The following RPS6KC1 variants were observed in gnomAD, a reference collection of about 807,000 sequenced individuals.
RPS6KC1 encodes the protein inactive ribosomal protein S6 kinase delta-1.
Under a neutral mutation model 103.8 loss-of-function variants are expected in RPS6KC1, and 54 were observed. That is an observed-to-expected ratio of 0.52 (90% CI 0.42 to 0.65). The LOEUF (loss-of-function observed/expected upper bound fraction) is 0.65. Ranked by LOEUF, RPS6KC1 falls within the 30% of genes least tolerant of loss-of-function variation. The pLI is 0.00. For missense variants in RPS6KC1, 1,151 were observed against 1,253.8 expected (o/e 0.92, Z 1.24); for synonymous variants, 439 against 438.7 (o/e 1.00, Z -0.01).
chr1:213,056,764 A>T (rs2077358682), intron 1 of RPS6KC1, among the ~76,000 whole-genome samples: 1 of 151,084 alleles, frequency 6.6e-6, no homozygotes, highest in African/African-American at 2.4e-5. Context: ...TCTCTGTTAG[A>T]TGCTATTTTC....
At chr1:213,152,224 G>C (rs574726608) in intron 6 of RPS6KC1, among the ~76,000 whole-genome samples, 35 of 145,166 alleles carry the variant, frequency 2.4e-4, no homozygotes, top group African/African-American at 7.4e-4. Flanking sequence ...CTGGCCGGGC[G>C]GGGGGCTGAT....
chr1:213,079,242 T>A (rs2079637853), intron 3 of RPS6KC1, among the ~76,000 whole-genome samples: 1 of 152,154 alleles, frequency 6.6e-6, no homozygotes, highest in African/African-American at 2.4e-5. Flanking sequence ...CAAATAACAC[T>A]GCAGTTACTA....
chr1:213,602,484 C>T, the RPS6KC1 span, among the ~76,000 whole-genome samples: 9,654 of 151,824 alleles, frequency 0.064, 397 homozygotes, highest in African/African-American at 0.084. Flanking sequence ...CTGCCTGCCT[C>T]GGCCTCCCAA....
chr1:213,539,160 AG>A, the RPS6KC1 span, among the ~76,000 whole-genome samples: 1 of 152,190 alleles, frequency 6.6e-6, no homozygotes, highest in Non-Finnish European at 1.5e-5. Context: ...GAAAACTGTC[AG>A]CTCTAGAACT....
chr1:213,812,717 C>G, the RPS6KC1 span, among the ~76,000 whole-genome samples: 2 of 152,126 alleles, frequency 1.3e-5, no homozygotes, highest in South Asian at 2.1e-4. Flanking sequence ...ACAGAGCAAG[C>G]CTTGAGGGAA....
the RPS6KC1 span, among the ~76,000 whole-genome samples, chr1:213,700,485 C>G: frequency 1.3e-5 from 2 of 151,496 alleles, no homozygotes; most frequent in African/African-American, 2.4e-5. Context: ...GATCCCTACA[C>G]GTTTTTTGTT....
chr1:213,198,194 C>T (rs536746703), intron 8 of RPS6KC1, among the ~76,000 whole-genome samples: 1 of 152,314 alleles, frequency 6.6e-6, no homozygotes, highest in South Asian at 2.1e-4. Context: ...TACTTTATCT[C>T]TCCTTCATTT....
At chr1:213,840,060 C>T in the RPS6KC1 span, 3 of 152,094 alleles carry the variant, frequency 2.0e-5, no homozygotes, top group East Asian at 1.9e-4. Context: ...GTTGCCAGCT[C>T]GTGCACTTTC....
chr1:213,169,358 A>G (rs911634519), intron 7 of RPS6KC1, among the ~76,000 whole-genome samples: 2 of 152,212 alleles, frequency 1.3e-5, no homozygotes, highest in South Asian at 4.1e-4. Context: ...CTTGCAAGCC[A>G]TATATACTTA....
chr1:213,187,634 T>C (rs1280584880), intron 8 of RPS6KC1, among the ~76,000 whole-genome samples: 2 of 152,086 alleles, frequency 1.3e-5, no homozygotes, highest in African/African-American at 4.8e-5. Flanking sequence ...ATAACTACTA[T>C]TTTGAATTTG....
At chr1:213,348,087 T>C in the RPS6KC1 span, among the ~76,000 whole-genome samples, 2 of 152,018 alleles carry the variant, frequency 1.3e-5, no homozygotes, top group African/African-American at 4.8e-5. Context: ...CTTTACCGAG[T>C]CTAAGGGTGG....
chr1:213,858,021 C>T, the RPS6KC1 span, among the ~76,000 whole-genome samples: 1 of 152,330 alleles, frequency 6.6e-6, no homozygotes, highest in Middle Eastern at 3.4e-3. Context: ...TTCCTCCCTT[C>T]TTACATCAGC....
intron 8 of RPS6KC1, among the ~76,000 whole-genome samples, chr1:213,204,094 T>G (rs758739549): frequency 2.0e-5 from 3 of 152,232 alleles, no homozygotes; most frequent in Non-Finnish European, 2.9e-5. Flanking sequence ...ATAGTACTTC[T>G]TAAACTGTTT....
the RPS6KC1 span, among the ~76,000 whole-genome samples, chr1:213,715,820 A>T: frequency 6.6e-6 from 1 of 152,194 alleles, no homozygotes; most frequent in African/African-American, 2.4e-5. Context: ...TCAGCCATTC[A>T]TTCTCCCTGT....
the RPS6KC1 span, among the ~76,000 whole-genome samples, chr1:213,428,541 T>TC: frequency 3.9e-5 from 4 of 101,344 alleles, no homozygotes; most frequent in Non-Finnish European, 6.0e-5. Flanking sequence ...TCTCTCTCTC[T>TC]TTCTTTCTTT....
chr1:213,566,157 C>A, the RPS6KC1 span, among the ~76,000 whole-genome samples: 7 of 152,024 alleles, frequency 4.6e-5, no homozygotes, highest in Admixed American at 3.9e-4. Context: ...ATTGGTAGTA[C>A]CTACATAGTG....
intron 6 of RPS6KC1, among the ~76,000 whole-genome samples, chr1:213,146,828 G>T (rs1256306958): frequency 2.6e-5 from 4 of 151,104 alleles, no homozygotes; most frequent in Non-Finnish European, 5.9e-5. Flanking sequence ...GTGTACCAGG[G>T]TTCCCTTTTC....
At chr1:213,270,427 A>G (rs577157864) in intron 14 of RPS6KC1, among the ~76,000 whole-genome samples, 2 of 152,324 alleles carry the variant, frequency 1.3e-5, no homozygotes, top group South Asian at 4.1e-4. Context: ...AAAATTGATA[A>G]AGTAGATTTC....
At chr1:213,500,010 T>C in the RPS6KC1 span, among the ~76,000 whole-genome samples, 1 of 152,224 alleles carries the variant, frequency 6.6e-6, no homozygotes, top group Non-Finnish European at 1.5e-5. Flanking sequence ...TACACTGCTA[T>C]AGACTTTATA....
Sources: gnomAD v4.1 joint callset for allele counts (sites outside exome capture counted in the v4.1 genomes callset) on GRCh38, gnomAD v4.1.1 for gene constraint, MANE v1.5 for transcripts, NCBI Gene and HGNC (gene_info 2026-07-23, HGNC 2026-07-21) for gene names.